The following NDUFA5 variants were observed in gnomAD, a reference collection of about 807,000 sequenced individuals.
NDUFA5 encodes the protein NADH dehydrogenase [ubiquinone] 1 alpha subcomplex subunit 5.
Under a neutral mutation model 19.8 loss-of-function variants are expected in NDUFA5, and 11 were observed. The observed-to-expected ratio is 0.56, with a 90% CI of 0.35 to 0.92. The LOEUF (loss-of-function observed/expected upper bound fraction) is 0.92. Among genes scored for constraint, NDUFA5 ranks in the 40% least tolerant of loss-of-function variants. The pLI, the probability that NDUFA5 is intolerant of heterozygous loss-of-function variation, is 0.01. For synonymous variants in NDUFA5, 47 were observed against 46.8 expected (o/e 1.00, Z -0.01); for missense variants, 109 against 134.2 (o/e 0.81, Z 0.93).
chr7:123,600,367 CA>C, the NDUFA5 span, among the ~76,000 whole-genome samples: 2 of 152,082 alleles, frequency 1.3e-5, no homozygotes, highest in African/African-American at 4.8e-5. Context: ...ACGGATAAAA[CA>C]GGCATACCAT....
chr7:123,566,032 GA>G, the NDUFA5 span, among the ~76,000 whole-genome samples: 8 of 148,400 alleles, frequency 5.4e-5, no homozygotes, highest in South Asian at 2.1e-4. Context: ...AAAAAAAAAA[GA>G]AAAAAAAAGT....
upstream of NDUFA5, chr7:123,557,979 T>A: frequency 3.2e-6 from 3 of 940,108 alleles, no homozygotes; most frequent in Non-Finnish European, 3.2e-6. Context: ...GCATGCGCGA[T>A]GGGCATACAA....
upstream of NDUFA5, among the ~76,000 whole-genome samples, chr7:123,558,939 A>G (rs1027853949): frequency 1.4e-4 from 22 of 152,270 alleles, no homozygotes; most frequent in African/African-American, 4.8e-4. Context: ...GAAAAAATGA[A>G]AGCTAAACCA....
the NDUFA5 span, among the ~76,000 whole-genome samples, chr7:123,596,123 C>G: frequency 6.6e-6 from 1 of 151,982 alleles, no homozygotes; most frequent in Non-Finnish European, 1.5e-5. Context: ...AATCATCACA[C>G]TTTTTCTAGT....
Position 123,557,408 on chromosome 7 carries a change from T to C in NDUFA5, c.62A>G (p.His21Arg). The C allele has an allele frequency of 6.2e-7, 1 of 1,613,560 alleles. No individual in the cohort carries two copies. The highest frequency in any genetic ancestry group is 8.5e-7 in the Non-Finnish European group (1 of 1,179,782). ...AGAAAGAACAAAGGTACATACCTCG[T>C]GAGGAGTATTGCACACAGCCAATCC... ...LVGLAVCNTP[H>R]ERLRILYTKI... The change falls in exon 2 of 5, where the codon CAC becomes CGC. Residue 21 changes from histidine (H) to arginine (R), a missense_variant. By Grantham distance (29) the His-to-Arg change is conservative. Coordinates refer to ENST00000355749, the MANE Select transcript of NDUFA5 (RefSeq NM_005000.5).
At chr7:123,568,918 C>T in the NDUFA5 span, among the ~76,000 whole-genome samples, 1 of 152,194 alleles carries the variant, frequency 6.6e-6, no homozygotes, top group Admixed American at 6.5e-5. Context: ...TAACTAATCT[C>T]GTCCAACATA....
the NDUFA5 span, among the ~76,000 whole-genome samples, chr7:123,583,936 G>C: frequency 1.2e-4 from 18 of 151,920 alleles, no homozygotes; most frequent in Non-Finnish European, 4.4e-5. Context: ...ATTTGATACA[G>C]TCGATCACTC....
chr7:123,555,190 C>T (rs1431489193), intron 2 of NDUFA5: 1 of 152,094 alleles, frequency 6.6e-6, no homozygotes, highest in South Asian at 2.1e-4. Flanking sequence ...TTCTGCATTC[C>T]AAGTTAAAGC....
intron 3 of NDUFA5, among the ~76,000 whole-genome samples, chr7:123,548,943 A>C (rs796587409): frequency 3.1e-4 from 47 of 152,276 alleles, no homozygotes; most frequent in African/African-American, 1.0e-3. Flanking sequence ...ATTCAAAAAA[A>C]CACAATAAAA....
the NDUFA5 span, among the ~76,000 whole-genome samples, chr7:123,570,901 T>C: frequency 6.6e-6 from 1 of 152,194 alleles, no homozygotes; most frequent in Admixed American, 6.5e-5. Flanking sequence ...AGCAGGAATA[T>C]AGCTCTAAAA....
chr7:123,562,676 C>T (rs916259664), upstream of NDUFA5, among the ~76,000 whole-genome samples: 2 of 152,144 alleles, frequency 1.3e-5, no homozygotes, highest in Non-Finnish European at 2.9e-5. Context: ...GAGTCAGGGC[C>T]TTGCTCTGGA....
the NDUFA5 span, among the ~76,000 whole-genome samples, chr7:123,584,086 T>C: frequency 6.6e-6 from 1 of 151,910 alleles, no homozygotes; most frequent in South Asian, 2.1e-4. Context: ...CCACACGGTT[T>C]TAAGTATCAC....
chr7:123,599,160 T>G, the NDUFA5 span, among the ~76,000 whole-genome samples: 1 of 152,096 alleles, frequency 6.6e-6, no homozygotes, highest in African/African-American at 2.4e-5. Flanking sequence ...GCCTGAAATA[T>G]ACCAAAGTGA....
At chr7:123,579,585 G>A in the NDUFA5 span, among the ~76,000 whole-genome samples, 3 of 152,032 alleles carry the variant, frequency 2.0e-5, no homozygotes, top group Non-Finnish European at 4.4e-5. Context: ...GATAATTGCA[G>A]TCAAAATGAA....
At chr7:123,542,913 T>C (rs1415890455) in intron 4 of NDUFA5, among the ~76,000 whole-genome samples, 1 of 152,224 alleles carries the variant, frequency 6.6e-6, no homozygotes, top group Non-Finnish European at 1.5e-5. Context: ...ATATTTTTTC[T>C]ACAACAAACA....
chr7:123,595,363 G>A, the NDUFA5 span, among the ~76,000 whole-genome samples: 1 of 152,120 alleles, frequency 6.6e-6, no homozygotes. Flanking sequence ...ATGACAAAAA[G>A]TAAAATTAAA....
chr7:123,598,665 C>G, the NDUFA5 span: 1 of 152,172 alleles, frequency 6.6e-6, no homozygotes, highest in African/African-American at 2.4e-5. Context: ...GTGCCAAAAA[C>G]TTTACTAGAC....
upstream of NDUFA5, among the ~76,000 whole-genome samples, chr7:123,561,910 C>G (rs1798693979): frequency 6.6e-6 from 1 of 151,788 alleles, no homozygotes; most frequent in Admixed American, 6.6e-5. Context: ...ATCACCAAAT[C>G]TTTTTAATAG....
At chr7:123,593,315 T>C in the NDUFA5 span, among the ~76,000 whole-genome samples, 2 of 152,212 alleles carry the variant, frequency 1.3e-5, no homozygotes, top group Admixed American at 6.5e-5. Context: ...CCTGCCATTA[T>C]AATGTTAGCT....
Sources: allele counts gnomAD v4.1 joint callset (sites outside exome capture counted in the v4.1 genomes callset), GRCh38; gene constraint gnomAD v4.1.1; transcripts MANE v1.5; gene names NCBI Gene and HGNC (gene_info 2026-07-23, HGNC 2026-07-21).